The following KAZN variants were observed in gnomAD, a reference collection of about 807,000 sequenced individuals.
KAZN encodes the protein kazrin, periplakin interacting protein.
A neutral mutation model predicts 87.4 loss-of-function variants in KAZN; 40 were observed. The ratio of observed to expected loss-of-function variants is 0.46; its 90% confidence interval spans 0.36 to 0.60. The LOEUF (loss-of-function observed/expected upper bound fraction) is 0.60. Among genes scored for constraint, KAZN ranks in the 20% least tolerant of loss-of-function variants. The pLI is 0.00. For synonymous variants in KAZN, 466 were observed against 458.3 expected (o/e 1.02, Z -0.22); for missense variants, 898 against 1,073.9 (o/e 0.84, Z 2.29).
chr1:14,229,578 G>A (rs990676170), intron 2 of KAZN, among the ~76,000 whole-genome samples: 1 of 152,156 alleles, frequency 6.6e-6, no homozygotes, highest in Non-Finnish European at 1.5e-5. Flanking sequence ...CGTCTCTAAT[G>A]TTTTATCTTT....
At chr1:14,553,664 AC>A (rs1317702985) in intron 2 of KAZN, among the ~76,000 whole-genome samples, 1 of 149,066 alleles carries the variant, frequency 6.7e-6, no homozygotes, top group Admixed American at 6.7e-5. Context: ...ATTATCTGAA[AC>A]CCCCCTCTTG....
chr1:14,757,076 C>T (rs555734953), intron 1 of KAZN, among the ~76,000 whole-genome samples: 2 of 152,362 alleles, frequency 1.3e-5, no homozygotes, highest in East Asian at 3.9e-4. Context: ...AGCATCCAAG[C>T]TCAGAAGTTT....
At chr1:14,715,795 C>T (rs1361075088) in intron 1 of KAZN, among the ~76,000 whole-genome samples, 2 of 152,098 alleles carry the variant, frequency 1.3e-5, no homozygotes, top group South Asian at 2.1e-4. Context: ...AAGGCCTCTC[C>T]GAAGAGTGAA....
chr1:14,087,119 A>G (rs1410507066), intron 1 of KAZN, among the ~76,000 whole-genome samples: 1 of 152,194 alleles, frequency 6.6e-6, no homozygotes, highest in Non-Finnish European at 1.5e-5. Context: ...TCTTCTAGTC[A>G]ATGAGCATAT....
At chr1:14,281,970 G>GC (rs1652871781) in intron 2 of KAZN, among the ~76,000 whole-genome samples, 1 of 152,018 alleles carries the variant, frequency 6.6e-6, no homozygotes, top group African/African-American at 2.4e-5. Flanking sequence ...CAATATCCCA[G>GC]CCCCCCAGCT....
In KAZN at chr1:15,065,055, G is replaced by T. The variant is rs184164805; in HGVS notation, c.1099-575G>T. On this transcript the variant is annotated intron_variant, in intron 7 of 14. Coordinates refer to ENST00000376030, the MANE Select transcript of KAZN (RefSeq NM_201628.3). ...TTTTTTTTTTTTTTTTTTTTGAGACGGAGTCTCACTCTGTCGCCCAGGCTG... is the reference window on the plus strand; with the variant it reads ...TTTTTTTTTTTTTTTTTTTTGAGACTGAGTCTCACTCTGTCGCCCAGGCTG... Among the ~76,000 whole-genome samples, 32 of 104,396 alleles carry T rather than the reference G, an allele frequency of 3.1e-4. 1 individual carries two copies. Among genetic ancestry groups the T allele is most frequent in the Admixed American group, 1.7e-3 (12 of 6,990 alleles). The allele number at this position is 104,396 out of a possible 152,430, so 68.5% of individuals were successfully genotyped here.
chr1:14,680,066 C>G (rs1379751190), intron 1 of KAZN, among the ~76,000 whole-genome samples: 1 of 152,070 alleles, frequency 6.6e-6, no homozygotes. Context: ...CCACTCCAGA[C>G]CTACTAAACC....
At chr1:14,521,442 C>T (rs1398768366) in intron 2 of KAZN, among the ~76,000 whole-genome samples, 1 of 152,184 alleles carries the variant, frequency 6.6e-6, no homozygotes, top group East Asian at 1.9e-4. Context: ...AGGTAAATTT[C>T]GGCTTTATGA....
chr1:14,677,137 T>C (rs1640274228), intron 1 of KAZN, among the ~76,000 whole-genome samples: 1 of 152,136 alleles, frequency 6.6e-6, no homozygotes, highest in South Asian at 2.1e-4. Context: ...TTGTGTCATC[T>C]TTGTTTTGTA....
chr1:15,053,794 G>A (rs1205261021), intron 4 of KAZN, among the ~76,000 whole-genome samples: 1 of 152,260 alleles, frequency 6.6e-6, no homozygotes, highest in African/African-American at 2.4e-5. Context: ...GGGTGGCAGA[G>A]CACAGGTGGT....
At chr1:14,632,844 C>T (rs1446343080) in intron 1 of KAZN, among the ~76,000 whole-genome samples, 3 of 152,118 alleles carry the variant, frequency 2.0e-5, no homozygotes, top group Non-Finnish European at 2.9e-5. Flanking sequence ...GACCTGAATA[C>T]ATTTGTCACC....
intron 1 of KAZN, among the ~76,000 whole-genome samples, chr1:14,179,760 T>C (rs1196003825): frequency 6.6e-6 from 1 of 152,200 alleles, no homozygotes; most frequent in Non-Finnish European, 1.5e-5. Context: ...TTTGGGGAGA[T>C]GACAGTAAGC....
At position 14,348,638 on chromosome 1, in the gene KAZN, G is replaced by A. The variant is rs528553670; in HGVS notation, c.249+168046G>A. On this transcript the variant is annotated intron_variant, in intron 2 of 16. Transcript: ENST00000636203. ...TATCACTTCAGTTAGAAAAGAACGC[G>A]AAGAGGGGGATAGTTCACATTTTTC... 7.9e-5 allele frequency among the ~76,000 whole-genome samples: 12 copies of A among 152,298 alleles called. No individual in the cohort carries two copies. The South Asian group carries it at 1.7e-3, about 21-fold the overall frequency.
At chr1:15,112,647 G>A (rs938552081) in intron 14 of KAZN, 106 bp downstream of exon 14, 3 of 738,614 alleles carry the variant, frequency 4.1e-6, no homozygotes, top group Non-Finnish European at 6.9e-6. Flanking sequence ...TGAAGGTGGA[G>A]TGCCAGGCCG....
At chr1:14,815,222 G>T (rs911542806) in intron 1 of KAZN, among the ~76,000 whole-genome samples, 1 of 152,160 alleles carries the variant, frequency 6.6e-6, no homozygotes, top group Non-Finnish European at 1.5e-5. Context: ...TGCTGCAGTC[G>T]TGGGTAATGG....
At chr1:14,696,559 T>C (rs2148795391) in intron 1 of KAZN, among the ~76,000 whole-genome samples, 1 of 152,336 alleles carries the variant, frequency 6.6e-6, no homozygotes, top group African/African-American at 2.4e-5. Context: ...CAACATTGCA[T>C]GTTTCCTGCC....
Position 14,250,031 on chromosome 1 carries a change from T to C in KAZN, c.249+69439T>C, listed in dbSNP as rs1038189834. On this transcript the variant is annotated intron_variant, in intron 2 of 16. Coordinates refer to the KAZN transcript ENST00000636203. ...CAGTTATGCCTTCAGTACAGGTTCATGAAAGATATTTTCTAGACTTACAGA... is the reference window on the plus strand; with the variant it reads ...CAGTTATGCCTTCAGTACAGGTTCACGAAAGATATTTTCTAGACTTACAGA... 2.0e-5 allele frequency among the ~76,000 whole-genome samples: 3 copies of C among 152,176 alleles called. No homozygotes were observed. The East Asian group carries it at 5.8e-4, about 29-fold the overall frequency.
intron 1 of KAZN, among the ~76,000 whole-genome samples, chr1:14,056,337 G>A (rs1365107838): frequency 6.6e-6 from 1 of 152,212 alleles, no homozygotes; most frequent in Non-Finnish European, 1.5e-5. Context: ...CATGATGAAG[G>A]CAGAAGGATT....
At chr1:14,157,872 G>C (rs1402187531) in intron 1 of KAZN, among the ~76,000 whole-genome samples, 1 of 152,136 alleles carries the variant, frequency 6.6e-6, no homozygotes, top group Non-Finnish European at 1.5e-5. Flanking sequence ...TACATGGCAG[G>C]ATGCAAGAAA....
Sources: gnomAD v4.1 joint callset for allele counts (sites outside exome capture counted in the v4.1 genomes callset) on GRCh38, gnomAD v4.1.1 for gene constraint, MANE v1.5 for transcripts, NCBI Gene and HGNC (gene_info 2026-07-23, HGNC 2026-07-21) for gene names.